CSMD3: variants seen among roughly 807,000 people sequenced by gnomAD.
CSMD3 encodes the protein CUB and Sushi multiple domains 3.
A neutral mutation model predicts 435.2 loss-of-function variants in CSMD3; 177 were observed. The ratio of observed to expected loss-of-function variants is 0.41; its 90% CI spans 0.36 to 0.46. The LOEUF (loss-of-function observed/expected upper bound fraction) is 0.46, where lower values mean the gene tolerates loss of function less well. CSMD3 is among the 20% of genes least tolerant of loss of function. The pLI is 0.34. For synonymous variants in CSMD3, 1,656 were observed against 1,520.5 expected (o/e 1.09, Z -2.07); for missense variants, 4,265 against 4,504.6 (o/e 0.95, Z 1.52).
intron 13 of CSMD3, among the ~76,000 whole-genome samples, chr8:112,757,754 G>A (rs907794071): frequency 1.3e-5 from 2 of 152,062 alleles, no homozygotes; most frequent in African/African-American, 4.8e-5. Context: ...TTGCATCTAA[G>A]GAATTATATA....
At chr8:112,850,554 C>A (rs1056883804) in intron 11 of CSMD3, among the ~76,000 whole-genome samples, 1 of 152,112 alleles carries the variant, frequency 6.6e-6, no homozygotes, top group Non-Finnish European at 1.5e-5. Flanking sequence ...AAAATGAATA[C>A]ATATGTTGAA....
intron 10 of CSMD3, among the ~76,000 whole-genome samples, chr8:112,904,409 G>T (rs2130471426): frequency 6.6e-6 from 1 of 151,360 alleles, no homozygotes; most frequent in South Asian, 2.1e-4. Flanking sequence ...TTTGTCTGTT[G>T]ATTTAAAACA....
intron 2 of CSMD3, among the ~76,000 whole-genome samples, chr8:113,280,699 T>C (rs772425872): frequency 1.3e-5 from 2 of 151,960 alleles, no homozygotes; most frequent in Non-Finnish European, 2.9e-5. Context: ...TCTACCGGCT[T>C]TGGTTTGGTT....
chr8:113,118,559 G>A lies in CSMD3; in HGVS notation c.710-19596C>T, dbSNP rs185860521. ...CATCTGTAATCCCAAAACTTTGGGA[G>A]GCTCAGGCAGGAAGATCATTTCAGC... On this transcript the variant is annotated intron_variant, in intron 4 of 70. Coordinates refer to ENST00000297405, the MANE Select transcript of CSMD3 (RefSeq NM_198123.2). Among the ~76,000 whole-genome samples the A allele has an allele frequency of 3.2e-4, 48 of 152,248 alleles. 1 individual carries two copies. Among genetic ancestry groups the A allele is most frequent in the Admixed American group, 2.8e-3 (43 of 15,286 alleles).
intron 1 of CSMD3, among the ~76,000 whole-genome samples, chr8:113,394,428 T>C (rs1373777373): frequency 6.6e-6 from 1 of 152,168 alleles, no homozygotes; most frequent in Non-Finnish European, 1.5e-5. Flanking sequence ...AAGTTTGTCA[T>C]TTAACCCATC....
intron 27 of CSMD3, chr8:112,539,158 A>C (rs1054755374): frequency 6.5e-6 from 1 of 153,404 alleles, no homozygotes; most frequent in Non-Finnish European, 1.5e-5. Flanking sequence ...TAGAGTACTA[A>C]GTATTGTTGG....
In CSMD3 at chr8:112,728,612, TCTC is replaced by T. The variant is rs146099840; in HGVS notation, c.1973-38565_1973-38563del. Among the ~76,000 whole-genome samples, 554 of 152,014 alleles carry T rather than the reference TCTC, an allele frequency of 3.6e-3. 4 individuals carry two copies. Among genetic ancestry groups the T allele is most frequent in the African/African-American group, 0.012 (486 of 41,510 alleles). On this transcript the variant is annotated intron_variant, in intron 13 of 70. Transcript: ENST00000297405. ...CACCTTTGCTAGCCAAGCCCCTTCT[TCTC>T]CTCCTCCCATAATGTATTTTGCCAT...
At chr8:112,844,939 C>A (rs1291906246) in intron 11 of CSMD3, among the ~76,000 whole-genome samples, 1 of 151,928 alleles carries the variant, frequency 6.6e-6, no homozygotes, top group East Asian at 1.9e-4. Flanking sequence ...TATTATTCAA[C>A]ACAGCTCTGA....
chr8:113,427,831 A>G (rs879448771), intron 1 of CSMD3, among the ~76,000 whole-genome samples: 1 of 151,680 alleles, frequency 6.6e-6, no homozygotes, highest in Non-Finnish European at 1.5e-5. Context: ...GCTGAGTGGA[A>G]GGTTAAGATA....
intron 13 of CSMD3, among the ~76,000 whole-genome samples, chr8:112,749,130 G>A (rs2077509077): frequency 6.6e-6 from 1 of 152,028 alleles, no homozygotes; most frequent in East Asian, 1.9e-4. Flanking sequence ...TCGGCCGTAT[G>A]TATGTCTTCT....
chr8:113,054,996 T>A lies in CSMD3; in HGVS notation c.918-35817A>T, dbSNP rs538266730. Among the ~76,000 whole-genome samples, 6 of 152,302 alleles carry A rather than the reference T, an allele frequency of 3.9e-5. No homozygotes were observed. In the East Asian group the frequency reaches 9.7e-4, roughly 25 times the overall value. ...TTAAAATGTTATCTAACATTTGAAATGTTATCTACTACCTAGATAGATCGT... is the reference window on the plus strand; with the variant it reads ...TTAAAATGTTATCTAACATTTGAAAAGTTATCTACTACCTAGATAGATCGT... On this transcript the variant is annotated intron_variant, in intron 5 of 70. Coordinates refer to ENST00000297405, the MANE Select transcript of CSMD3 (RefSeq NM_198123.2).
chr8:112,749,493 T>C (rs894204129), intron 13 of CSMD3, among the ~76,000 whole-genome samples: 6 of 152,096 alleles, frequency 3.9e-5, no homozygotes, highest in Admixed American at 6.6e-5. Context: ...ATGCAGAAGA[T>C]TGAAGCTGGA....
At chr8:113,156,956 GAC>G (rs149258658) in intron 4 of CSMD3, among the ~76,000 whole-genome samples, 12 of 140,334 alleles carry the variant, frequency 8.6e-5, no homozygotes, top group African/African-American at 3.2e-4. Context: ...GAGAGAGAGA[GAC>G]AGAGACAGAG....
At chr8:112,984,477 T>C (rs1025381343) in intron 6 of CSMD3, among the ~76,000 whole-genome samples, 2 of 152,194 alleles carry the variant, frequency 1.3e-5, no homozygotes, top group South Asian at 4.1e-4. Flanking sequence ...AATCATATAT[T>C]TTAATGTTAT....
intron 13 of CSMD3, among the ~76,000 whole-genome samples, chr8:112,798,544 TG>T (rs1044413205): frequency 4.6e-5 from 7 of 151,792 alleles, no homozygotes; most frequent in Non-Finnish European, 1.0e-4. Flanking sequence ...ATCATCTCTG[TG>T]AATTGTTTAA....
At chr8:112,600,497 T>C (rs528679993) in intron 22 of CSMD3, among the ~76,000 whole-genome samples, 1 of 152,184 alleles carries the variant, frequency 6.6e-6, no homozygotes, top group East Asian at 1.9e-4. Context: ...AATGTTTCTA[T>C]ATAAATATTC....
chr8:112,405,205 AAAAAC>A (rs1831685399), intron 35 of CSMD3, among the ~76,000 whole-genome samples: 1 of 36,678 alleles, frequency 2.7e-5, no homozygotes, highest in African/African-American at 8.8e-5. Context: ...AAAAAAAAAA[AAAAAC>A]CCCCATATAT....
chr8:112,697,001 G>T (rs372098232), intron 13 of CSMD3, among the ~76,000 whole-genome samples: 2 of 151,826 alleles, frequency 1.3e-5, no homozygotes, highest in South Asian at 2.1e-4. Flanking sequence ...GGCCATCAGA[G>T]AAATGCAAAT....
intron 60 of CSMD3, among the ~76,000 whole-genome samples, chr8:112,264,559 TAA>T (rs1298849427): frequency 6.6e-6 from 1 of 152,066 alleles, no homozygotes; most frequent in East Asian, 1.9e-4. Flanking sequence ...TATGAATTAA[TAA>T]GTGTATAGAA....
Sources: gnomAD v4.1 joint callset for allele counts (sites outside exome capture counted in the v4.1 genomes callset) on GRCh38, gnomAD v4.1.1 for gene constraint, MANE v1.5 for transcripts, NCBI Gene and HGNC (gene_info 2026-07-23, HGNC 2026-07-21) for gene names.